The following TMEM14A variants were observed in gnomAD, a reference collection of about 807,000 sequenced individuals.
TMEM14A encodes the protein transmembrane protein 14A.
Under a neutral mutation model 11.6 loss-of-function variants are expected in TMEM14A, and 8 were observed. That is an observed-to-expected ratio of 0.69 (90% CI 0.40 to 1.24). The LOEUF is 1.24. Among genes scored for constraint, TMEM14A ranks in the 50% most tolerant of loss-of-function variants. The pLI is 0.01. For synonymous variants in TMEM14A, 34 were observed against 45.5 expected (o/e 0.75, Z 1.02); for missense variants, 108 against 121.9 (o/e 0.89, Z 0.54).
At chr6:52,674,849 T>C (rs1008086732) in intron 1 of TMEM14A, among the ~76,000 whole-genome samples, 7 of 151,630 alleles carry the variant, frequency 4.6e-5, no homozygotes, top group Non-Finnish European at 8.8e-5. Context: ...TCATAGTAAG[T>C]TCTAGTGGAT....
At chr6:52,682,539 A>T (rs1769409387) in intron 3 of TMEM14A, among the ~76,000 whole-genome samples, 1 of 152,126 alleles carries the variant, frequency 6.6e-6, no homozygotes, top group Non-Finnish European at 1.5e-5. Flanking sequence ...GTGTATGGAA[A>T]AAAATATAAA....
chr6:52,680,704 T>TACACATATATATATATATATAC (rs1769372874), intron 2 of TMEM14A, among the ~76,000 whole-genome samples: 1 of 51,102 alleles, frequency 2.0e-5, no homozygotes, highest in Non-Finnish European at 4.4e-5. Context: ...TATATATATA[T>TACACATATATATATATATATAC]ACACATATAT....
chr6:52,674,536 T>C (rs1191296666), intron 1 of TMEM14A, among the ~76,000 whole-genome samples: 1 of 152,214 alleles, frequency 6.6e-6, no homozygotes, highest in East Asian at 1.9e-4. Context: ...GTGGTCATGA[T>C]TACATGAGTT....
chr6:52,683,541 G>A (rs913451705), intron 3 of TMEM14A, among the ~76,000 whole-genome samples: 1 of 152,012 alleles, frequency 6.6e-6, no homozygotes, highest in Non-Finnish European at 1.5e-5. Context: ...TTCAGGAATG[G>A]ATTTTAACAT....
In TMEM14A at chr6:52,686,541, C is replaced by T. The variant is rs1341997442; in HGVS notation, c.*492C>T. ...TTTTATTCTTAGCACACTGTTATGT[C>T]CTAACTGAATGTATTCAGTATTCAA... On this transcript the variant is annotated 3_prime_UTR_variant, in exon 5 of 5. Coordinates refer to ENST00000211314, the MANE Select transcript of TMEM14A (RefSeq NM_014051.4). The T allele has an allele frequency of 2.6e-6, 1 of 378,546 alleles. No homozygotes were observed. The highest frequency in any genetic ancestry group is 4.7e-6 in the Non-Finnish European group (1 of 212,150). 23.4% of individuals were successfully genotyped at this position (378,546 alleles called of 1,614,324 possible).
intron 2 of TMEM14A, among the ~76,000 whole-genome samples, chr6:52,677,780 C>T (rs927070395): frequency 2.0e-4 from 30 of 152,174 alleles, no homozygotes; most frequent in Admixed American, 8.5e-4. Context: ...CTGTCTCTTA[C>T]GTTTTAATGA....
intron 3 of TMEM14A, among the ~76,000 whole-genome samples, chr6:52,683,829 G>A (rs1384469864): frequency 1.3e-5 from 2 of 152,090 alleles, no homozygotes; most frequent in East Asian, 3.9e-4. Context: ...TGGTCAGACT[G>A]GCCTCAAACT....
At chr6:52,678,511 A>C (rs1769305946) in intron 2 of TMEM14A, among the ~76,000 whole-genome samples, 1 of 152,182 alleles carries the variant, frequency 6.6e-6, no homozygotes, top group South Asian at 2.1e-4. Context: ...GGCCTCCTGC[A>C]AGAGCCCCCT....
rs576427471 is a variant in TMEM14A, at chr6:52,685,550, A to T, written c.261-460A>T. The stretch of plus-strand genomic sequence containing the variant: ...CAGTGAGCCGAGACTGCGTCACTAT[A>T]CTCCAGCCTGGGTGACAGAGTGAGA... On this transcript the variant is annotated intron_variant, in intron 4 of 4. Coordinates refer to ENST00000211314, the MANE Select transcript of TMEM14A (RefSeq NM_014051.4). 1.2e-4 allele frequency among the ~76,000 whole-genome samples: 18 copies of T among 151,494 alleles called. No individual in the cohort carries two copies. In the East Asian group the frequency reaches 3.5e-3, roughly 29 times the overall value.
At position 52,680,593 on chromosome 6, in the gene TMEM14A, T is replaced by TTA. The variant is rs70977373; in HGVS notation, c.71-1202_71-1201dup. On this transcript the variant is annotated intron_variant, in intron 2 of 4. Coordinates refer to ENST00000211314, the MANE Select transcript of TMEM14A (RefSeq NM_014051.4). ...TCTAAGCCACTATATATTTATATATTTATATATATATATATATATGTATAT... is the reference window on the plus strand; with the variant it reads ...TCTAAGCCACTATATATTTATATATTTATATATATATATATATATATGTATAT... Among the ~76,000 whole-genome samples, 177 of 96,520 alleles carry TTA rather than the reference T, an allele frequency of 1.8e-3. 6 individuals are homozygous for TTA. Among genetic ancestry groups the TTA allele is most frequent in the Middle Eastern group, 0.016 (3 of 188 alleles). 63.3% of individuals were successfully genotyped at this position (96,520 alleles called of 152,430 possible). A position where few individuals can be genotyped will look rare whatever the true frequency, so the allele number is the denominator to read the frequency against.
At chr6:52,678,272 A>G (rs1409525440) in intron 2 of TMEM14A, among the ~76,000 whole-genome samples, 1 of 151,576 alleles carries the variant, frequency 6.6e-6, no homozygotes, top group Non-Finnish European at 1.5e-5. Context: ...GCCTGCCTTT[A>G]TGAGAGGTGG....
chr6:52,686,116 G>A lies in TMEM14A; in HGVS notation c.*67G>A. 1 of 1,440,334 alleles carries A rather than the reference G, an allele frequency of 6.9e-7. No homozygotes were observed. Among genetic ancestry groups the A allele is most frequent in the East Asian group, 2.4e-5 (1 of 41,792 alleles). 89.2% of individuals were successfully genotyped at this position (1,440,334 alleles called of 1,614,324 possible). ...GTAATGGGCAGAGCATATTTTTTTT[G>A]TATTTAAAAGATAAACTTCAATATG... On this transcript the variant is annotated 3_prime_UTR_variant, in exon 5 of 5. Transcript: ENST00000211314.
chr6:52,675,295 TA>T (rs1222226628), intron 1 of TMEM14A, among the ~76,000 whole-genome samples: 44 of 152,364 alleles, frequency 2.9e-4, no homozygotes, highest in Middle Eastern at 6.8e-3. Flanking sequence ...GAATCTCACT[TA>T]CCATTCCTCA....
intron 2 of TMEM14A, among the ~76,000 whole-genome samples, chr6:52,678,153 G>T (rs568093302): frequency 9.2e-5 from 14 of 152,220 alleles, no homozygotes; most frequent in African/African-American, 2.9e-4. Flanking sequence ...ACTTTAGAAA[G>T]AACTCAGTTT....
chr6:52,671,497 CCT>C (rs1208937152), intron 1 of TMEM14A, among the ~76,000 whole-genome samples: 1 of 152,088 alleles, frequency 6.6e-6, no homozygotes, highest in African/African-American at 2.4e-5. Flanking sequence ...CTCCTACCTT[CCT>C]GGATCTGGGG....
At chr6:52,680,796 G>A (rs1769376468) in intron 2 of TMEM14A, among the ~76,000 whole-genome samples, 1 of 147,172 alleles carries the variant, frequency 6.8e-6, no homozygotes. Flanking sequence ...CCTTTAGCCA[G>A]CAAGTGAAAG....
chr6:52,684,040 G>T, intron 3 of TMEM14A, 38 bp from the exon 4 acceptor site: 1 of 1,590,836 alleles, frequency 6.3e-7, no homozygotes, highest in African/African-American at 1.3e-5. Context: ...TTGATAACAT[G>T]TTTGAAACTC....
chr6:52,681,179 G>A (rs1364512295), intron 2 of TMEM14A, among the ~76,000 whole-genome samples: 1 of 152,070 alleles, frequency 6.6e-6, no homozygotes, highest in Non-Finnish European at 1.5e-5. Flanking sequence ...GTGCTCTGGG[G>A]TGGGTATGTG....
chr6:52,686,170 A>C lies in TMEM14A; in HGVS notation c.*121A>C. ...TGCTAGAAACACAAATAGCACTGTC[A>C]CCTCTAATATGAACATTAGTTTGAG... On this transcript the variant is annotated 3_prime_UTR_variant, in exon 5 of 5. Coordinates refer to ENST00000211314, the MANE Select transcript of TMEM14A (RefSeq NM_014051.4). The C allele has an allele frequency of 1.1e-6, 1 of 910,198 alleles. No individual in the cohort carries two copies. The highest frequency in any genetic ancestry group is 2.2e-5 in the South Asian group (1 of 44,714). 56.4% of individuals were successfully genotyped at this position (910,198 alleles called of 1,614,324 possible).
Sources: allele counts gnomAD v4.1 joint callset (sites outside exome capture counted in the v4.1 genomes callset), GRCh38; gene constraint gnomAD v4.1.1; transcripts MANE v1.5; gene names NCBI Gene and HGNC (gene_info 2026-07-23, HGNC 2026-07-21).